The following DLGAP1 variants were observed in gnomAD, a reference collection of about 807,000 sequenced individuals.
DLGAP1 encodes DLG associated protein 1.
DLGAP1 carries 11 observed loss-of-function variants against 90.8 expected under a neutral mutation model. The ratio of observed to expected loss-of-function variants is 0.12; its 90% CI spans 0.08 to 0.20. The LOEUF is 0.20. DLGAP1 is among the 10% of genes least tolerant of loss of function. The pLI is 1.00. For missense variants in DLGAP1, 1,050 were observed against 1,333.8 expected, an observed-to-expected ratio of 0.79 and a Z score of 3.31; for synonymous variants, 558 against 540.7, an observed-to-expected ratio of 1.03 and a Z score of -0.44.
intron 3 of DLGAP1, among the ~76,000 whole-genome samples, chr18:3,899,472 A>G (rs1323978978): frequency 6.6e-6 from 1 of 152,238 alleles, no homozygotes; most frequent in African/African-American, 2.4e-5. Flanking sequence ...CAAGAATGTT[A>G]AAAGGATGTT....
chr18:3,880,075 C>G lies in DLGAP1; in HGVS notation c.-7G>C. 6.3e-7 allele frequency: 1 copy of G among 1,597,348 alleles called. No homozygotes were observed. The highest frequency in any genetic ancestry group is 1.7e-5 in the Admixed American group (1 of 59,968). On this transcript the variant is annotated 5_prime_UTR_variant, in exon 4 of 13. Coordinates refer to ENST00000315677, the MANE Select transcript of DLGAP1 (RefSeq NM_004746.4). ...TGCCTGATAGCCCTTTCATGGCGGACCGGAAGCAGCCGCCAGGGTCATGGA... is the reference window on the plus strand; with the variant it reads ...TGCCTGATAGCCCTTTCATGGCGGAGCGGAAGCAGCCGCCAGGGTCATGGA...
intron 7 of DLGAP1, among the ~76,000 whole-genome samples, chr18:3,678,198 G>A (rs1446426387): frequency 6.6e-6 from 1 of 152,178 alleles, no homozygotes; most frequent in Non-Finnish European, 1.5e-5. Flanking sequence ...CTGACCTCCA[G>A]TGATCTGCCT....
chr18:3,980,969 T>C (rs1383760111), intron 3 of DLGAP1, among the ~76,000 whole-genome samples: 1 of 152,252 alleles, frequency 6.6e-6, no homozygotes, highest in African/African-American at 2.4e-5. Context: ...TCTTGTTCAA[T>C]AGATCTCTTG....
chr18:3,636,451 T>G (rs1338902484), intron 7 of DLGAP1, among the ~76,000 whole-genome samples: 2 of 151,866 alleles, frequency 1.3e-5, no homozygotes, highest in East Asian at 4.0e-4. Flanking sequence ...TCTCGCTATC[T>G]TCTAGGCTGG....
intron 10 of DLGAP1, among the ~76,000 whole-genome samples, chr18:3,509,649 G>A (rs2050430079): frequency 6.6e-6 from 1 of 152,186 alleles, no homozygotes; most frequent in Non-Finnish European, 1.5e-5. Flanking sequence ...GGATGATATA[G>A]TACAGGATTT....
At chr18:3,981,688 G>C (rs2149031580) in intron 3 of DLGAP1, among the ~76,000 whole-genome samples, 1 of 152,298 alleles carries the variant, frequency 6.6e-6, no homozygotes, top group South Asian at 2.1e-4. Context: ...ATTCTGCATG[G>C]CTTGGGACAA....
chr18:4,299,548 C>T lies in DLGAP1; in HGVS notation c.-266-148261G>A, dbSNP rs1598847455. Among the ~76,000 whole-genome samples the T allele has an allele frequency of 2.0e-5, 3 of 152,192 alleles. No individual in the cohort carries two copies. The East Asian group carries it at 5.8e-4, about 29-fold the overall frequency. On this transcript the variant is annotated intron_variant, in intron 1 of 12. Coordinates refer to ENST00000315677, the MANE Select transcript of DLGAP1 (RefSeq NM_004746.4). ...TGAAAATAAACAGCCCATTTTGTCA[C>T]ACTGTCACTAAGTAGAAATGTCTTG... is the stretch of plus-strand genomic sequence containing the variant.
intron 1 of DLGAP1, among the ~76,000 whole-genome samples, chr18:4,348,400 A>ATATGTGTGTGTG (rs2081340053): frequency 7.5e-6 from 1 of 133,488 alleles, no homozygotes; most frequent in Admixed American, 7.4e-5. Flanking sequence ...GAACTCAGGA[A>ATATGTGTGTGTG]TGTGTGTGTG....
chr18:3,758,117 A>G (rs1324914210), intron 5 of DLGAP1, among the ~76,000 whole-genome samples: 1 of 151,966 alleles, frequency 6.6e-6, no homozygotes, highest in Admixed American at 6.6e-5. Context: ...GAGAAAAAAA[A>G]AAAAAAAAAG....
At chr18:4,364,496 T>C (rs1000945271) in intron 1 of DLGAP1, among the ~76,000 whole-genome samples, 1 of 152,050 alleles carries the variant, frequency 6.6e-6, no homozygotes, top group African/African-American at 2.4e-5. Context: ...TAGAATTAGT[T>C]CAGACAAGAA....
intron 3 of DLGAP1, among the ~76,000 whole-genome samples, chr18:3,968,712 T>C (rs1043885587): frequency 1.3e-5 from 2 of 152,186 alleles, no homozygotes; most frequent in African/African-American, 2.4e-5. Flanking sequence ...TGGAGGTAAT[T>C]GAAATTCAAA....
intron 3 of DLGAP1, chr18:3,977,713 C>T (rs8092531): frequency 0.025 from 7,950 of 320,722 alleles, 233 homozygotes; most frequent in African/African-American, 0.095. Context: ...ATTCTCATAC[C>T]AGGAAATAAG....
At position 4,371,248 on chromosome 18, in the gene DLGAP1, T is replaced by G. The variant is rs115334516; in HGVS notation, c.-267+83758A>C. Among the ~76,000 whole-genome samples the G allele has an allele frequency of 2.6e-3, 403 of 152,300 alleles. 4 individuals carry two copies. The highest frequency in any genetic ancestry group is 8.9e-3 in the African/African-American group (369 of 41,562). On this transcript the variant is annotated intron_variant, in intron 1 of 12. Transcript: ENST00000315677. ...AAATGAATATAAATAAATAAATACA[T>G]GATTACAACAGACTTTGTTAAGAAG...
chr18:3,563,752 A>G (rs1170646593), intron 9 of DLGAP1, among the ~76,000 whole-genome samples: 1 of 152,156 alleles, frequency 6.6e-6, no homozygotes, highest in Non-Finnish European at 1.5e-5. Context: ...TACAGGCATG[A>G]GCCACCGTGC....
At chr18:4,192,380 T>A (rs1216761404) in intron 1 of DLGAP1, among the ~76,000 whole-genome samples, 1 of 152,176 alleles carries the variant, frequency 6.6e-6, no homozygotes, top group Non-Finnish European at 1.5e-5. Flanking sequence ...GCATGTCATT[T>A]GATAACGACT....
At chr18:4,429,334 G>A (rs2083228870) in intron 1 of DLGAP1, among the ~76,000 whole-genome samples, 2 of 152,180 alleles carry the variant, frequency 1.3e-5, no homozygotes, top group East Asian at 3.8e-4. Context: ...CTTGGAAGGT[G>A]TGAAAATACC....
intron 3 of DLGAP1, among the ~76,000 whole-genome samples, chr18:3,961,315 C>T (rs561903281): frequency 2.0e-5 from 3 of 152,194 alleles, no homozygotes; most frequent in Non-Finnish European, 4.4e-5. Context: ...TCAAAAGCTC[C>T]CACCTTTTCC....
At chr18:3,556,486 T>C (rs537841441) in intron 9 of DLGAP1, among the ~76,000 whole-genome samples, 1 of 152,346 alleles carries the variant, frequency 6.6e-6, no homozygotes, top group South Asian at 2.1e-4. Context: ...TTCCAGGGTG[T>C]CACATAGTTG....
intron 2 of DLGAP1, among the ~76,000 whole-genome samples, chr18:4,065,575 G>C (rs2075358955): frequency 6.6e-6 from 1 of 151,864 alleles, no homozygotes; most frequent in Non-Finnish European, 1.5e-5. Flanking sequence ...ATTCACAGTA[G>C]CCACAAAAAA....
Sources: gnomAD v4.1 joint callset for allele counts (sites outside exome capture counted in the v4.1 genomes callset) on GRCh38, gnomAD v4.1.1 for gene constraint, MANE v1.5 for transcripts, NCBI Gene and HGNC (gene_info 2026-07-23, HGNC 2026-07-21) for gene names.